Variants in RANBP2 observed in about 807,000 individuals in gnomAD.
The protein encoded by RANBP2 is E3 SUMO-protein ligase RanBP2.
RANBP2 carries 57 observed loss-of-function variants against 303.6 expected under a neutral mutation model. The observed-to-expected ratio is 0.19, with a 90% CI of 0.15 to 0.23. The LOEUF (loss-of-function observed/expected upper bound fraction) is 0.23. Ranked by LOEUF, RANBP2 falls within the 10% of genes least tolerant of loss-of-function variation. The pLI is 1.00. For synonymous variants in RANBP2, 1,167 were observed against 1,301.5 expected, an observed-to-expected ratio of 0.90 and a Z score of 2.23; for missense variants, 3,138 against 3,780.8, an observed-to-expected ratio of 0.83 and a Z score of 4.46.
the RANBP2 span, among the ~76,000 whole-genome samples, chr2:109,111,361 C>T: frequency 2.6e-5 from 4 of 152,174 alleles, no homozygotes; most frequent in Admixed American, 1.3e-4. Context: ...TGTTATACAC[C>T]CATTGCACTA....
At chr2:109,138,079 G>A in the RANBP2 span, among the ~76,000 whole-genome samples, 18 of 152,284 alleles carry the variant, frequency 1.2e-4, no homozygotes, top group South Asian at 2.9e-3. Flanking sequence ...GCAGTGGCAC[G>A]ATCTCGACTC....
At chr2:109,593,067 G>T in the RANBP2 span, 1 of 1,598,754 alleles carries the variant, frequency 6.3e-7, no homozygotes, top group Non-Finnish European at 8.5e-7. Flanking sequence ...TTCATCATCT[G>T]ATCCTTGTGA....
chr2:109,553,246 T>C, the RANBP2 span: 1 of 1,611,186 alleles, frequency 6.2e-7, no homozygotes, highest in Non-Finnish European at 8.5e-7. Context: ...GTTACTCTCC[T>C]GCTAAAAAGT....
intron 1 of RANBP2, among the ~76,000 whole-genome samples, chr2:108,723,897 A>G (rs1331423049): frequency 1.4e-5 from 1 of 69,528 alleles, no homozygotes; most frequent in Non-Finnish European, 2.5e-5. Context: ...TAAAACATTG[A>G]TTGATTGATT....
At chr2:109,571,335 T>TTTGATGTTGCGTGAACATCACAGAG in the RANBP2 span, among the ~76,000 whole-genome samples, 1 of 152,326 alleles carries the variant, frequency 6.6e-6, no homozygotes, top group Middle Eastern at 3.4e-3. Flanking sequence ...CTTAGGTGAT[T>TTTGATGTTGCGTGAACATCACAGAG]TTGATGTTGC....
At chr2:109,675,643 T>C in the RANBP2 span, among the ~76,000 whole-genome samples, 1 of 152,140 alleles carries the variant, frequency 6.6e-6, no homozygotes, top group East Asian at 1.9e-4. Context: ...GATCCCACCA[T>C]TGCACTCCAG....
At chr2:109,642,799 ATGAC>A in the RANBP2 span, among the ~76,000 whole-genome samples, 2 of 152,344 alleles carry the variant, frequency 1.3e-5, no homozygotes, top group East Asian at 3.9e-4. Flanking sequence ...AAATCATGTG[ATGAC>A]TGAATGCTTG....
At chr2:109,552,252 T>G in the RANBP2 span, among the ~76,000 whole-genome samples, 1 of 152,164 alleles carries the variant, frequency 6.6e-6, no homozygotes, top group Non-Finnish European at 1.5e-5. Context: ...GCCAAAAAGG[T>G]TGGGGACCAC....
the RANBP2 span, among the ~76,000 whole-genome samples, chr2:109,246,466 G>A: frequency 2.8e-3 from 421 of 152,270 alleles, 1 homozygote; most frequent in African/African-American, 9.8e-3. Context: ...GCTCCTAATA[G>A]CATTACCTTG....
the RANBP2 span, among the ~76,000 whole-genome samples, chr2:109,609,586 A>C: frequency 6.8e-6 from 1 of 147,774 alleles, no homozygotes; most frequent in Non-Finnish European, 1.5e-5. Flanking sequence ...ACTGCACTCT[A>C]GCCTGGGTGA....
At chr2:109,531,651 A>G in the RANBP2 span, among the ~76,000 whole-genome samples, 2 of 152,224 alleles carry the variant, frequency 1.3e-5, no homozygotes, top group African/African-American at 4.8e-5. Flanking sequence ...AGACTTCAGA[A>G]TCTTCTGTGG....
chr2:109,474,401 C>G, the RANBP2 span, among the ~76,000 whole-genome samples: 24 of 152,276 alleles, frequency 1.6e-4, 1 homozygote, highest in South Asian at 4.1e-3. Context: ...AGCTCTCCCC[C>G]TAACAGAGAA....
At chr2:109,304,014 T>G in the RANBP2 span, among the ~76,000 whole-genome samples, 1 of 152,098 alleles carries the variant, frequency 6.6e-6, no homozygotes, top group African/African-American at 2.4e-5. Context: ...GGCAGGAGAA[T>G]TGCTTGAACC....
chr2:109,533,415 A>C, the RANBP2 span, among the ~76,000 whole-genome samples: 1 of 152,168 alleles, frequency 6.6e-6, no homozygotes, highest in Non-Finnish European at 1.5e-5. Context: ...AACACGATTA[A>C]GTTTCATTTG....
chr2:108,853,240 C>T, the RANBP2 span, among the ~76,000 whole-genome samples: 3 of 152,018 alleles, frequency 2.0e-5, no homozygotes, highest in Admixed American at 6.6e-5. Flanking sequence ...AGATTTATTC[C>T]CTGCAATAAC....
the RANBP2 span, among the ~76,000 whole-genome samples, chr2:109,306,920 G>GA: frequency 1.3e-5 from 2 of 152,234 alleles, no homozygotes; most frequent in African/African-American, 4.8e-5. Flanking sequence ...ATGCATGCCC[G>GA]TGTGGATGGC....
At chr2:109,476,926 G>A in the RANBP2 span, among the ~76,000 whole-genome samples, 4 of 152,304 alleles carry the variant, frequency 2.6e-5, no homozygotes, top group African/African-American at 9.6e-5. Flanking sequence ...GTAGCAGTGA[G>A]GACAACCAGA....
At position 108,765,964 on chromosome 2, in the gene RANBP2, C is replaced by G. The variant is rs1677086726; in HGVS notation, c.5425C>G (p.Pro1809Ala). ...LKCVACDASK[P>A]THKPIAEAPS... ...ATGTGTGGCTTGTGATGCCTCTAAACCAACTCATAAACCTATTGCAGAAGC... is the reference window on the plus strand; with the variant it reads ...ATGTGTGGCTTGTGATGCCTCTAAAGCAACTCATAAACCTATTGCAGAAGC... The change falls in exon 20 of 29, where the codon CCA becomes GCA. Residue 1809 changes from proline to alanine, a missense_variant. This residue lies in a region of RANBP2 where 348 missense variants were observed against 360.4 expected (regional missense o/e 0.97). Coordinates refer to ENST00000283195, the MANE Select transcript of RANBP2 (RefSeq NM_006267.5). 1 of 1,614,100 alleles carries G rather than the reference C, an allele frequency of 6.2e-7. No homozygotes were observed. Among genetic ancestry groups the G allele is most frequent in the East Asian group, 2.2e-5 (1 of 44,878 alleles).
At chr2:108,737,876 G>A (rs1307105673) in intron 6 of RANBP2, among the ~76,000 whole-genome samples, 3 of 149,578 alleles carry the variant, frequency 2.0e-5, no homozygotes, top group Non-Finnish European at 3.0e-5. Flanking sequence ...ACCACGCTCC[G>A]CTAATTTTTT....
Sources: allele counts gnomAD v4.1 joint callset (sites outside exome capture counted in the v4.1 genomes callset), GRCh38; gene constraint gnomAD v4.1.1; regional missense constraint gnomAD v4.1.1; transcripts MANE v1.5; gene names NCBI Gene and HGNC (gene_info 2026-07-23, HGNC 2026-07-21).